CHCHD6: variants seen among roughly 807,000 people sequenced by gnomAD.
CHCHD6 encodes MICOS complex subunit MIC25.
A neutral mutation model predicts 32.3 loss-of-function variants in CHCHD6; 28 were observed. The observed-to-expected ratio is 0.87, with a 90% CI of 0.64 to 1.19. The LOEUF (loss-of-function observed/expected upper bound fraction) is 1.19, where lower values mean the gene tolerates loss of function less well. Ranked by LOEUF, CHCHD6 falls within the 50% of genes most tolerant of loss-of-function variation. CHCHD6 has a pLI of 0.00. For missense variants in CHCHD6, 333 were observed against 307.0 expected, an observed-to-expected ratio of 1.08 and a Z score of -0.63; for synonymous variants, 122 against 117.5, an observed-to-expected ratio of 1.04 and a Z score of -0.25.
At chr3:126,783,145 A>G (rs1282073967) in intron 4 of CHCHD6, among the ~76,000 whole-genome samples, 2 of 152,302 alleles carry the variant, frequency 1.3e-5, no homozygotes, top group East Asian at 1.9e-4. Context: ...TCTAAGTTCT[A>G]CATATAAGTG....
chr3:126,775,085 T>C (rs1367156911), intron 4 of CHCHD6, among the ~76,000 whole-genome samples: 1 of 152,256 alleles, frequency 6.6e-6, no homozygotes, highest in Non-Finnish European at 1.5e-5. Context: ...GGTTTTTAGC[T>C]ATATTTGCAG....
intron 4 of CHCHD6, among the ~76,000 whole-genome samples, chr3:126,772,206 A>G (rs1937555271): frequency 6.6e-6 from 1 of 152,080 alleles, no homozygotes. Flanking sequence ...GGTTCACGCC[A>G]TTCTCCTGCC....
In CHCHD6 at chr3:126,917,441, GT is replaced by G. The variant is rs535734447; in HGVS notation, c.566+2695del. Among the ~76,000 whole-genome samples, 1,468 of 152,296 alleles carry G rather than the reference GT, an allele frequency of 9.6e-3. 7 individuals carry two copies. Among genetic ancestry groups the G allele is most frequent in the Non-Finnish European group, 0.017 (1,164 of 68,004 alleles). ...GGTGGAGCTCTCAGAGCCTGCCCGG[GT>G]TTTGGACTCAGACCAGGCCTCAGAC... On this transcript the variant is annotated intron_variant, in intron 6 of 7. Transcript: ENST00000290913.
chr3:126,949,468 G>T, intron 6 of CHCHD6: 1 of 208,484 alleles, frequency 4.8e-6, no homozygotes, highest in South Asian at 5.7e-5. Flanking sequence ...GAAAGGGAAG[G>T]CTGCCCAGAG....
chr3:126,719,152 C>T (rs1017304106), intron 1 of CHCHD6, among the ~76,000 whole-genome samples: 5 of 152,172 alleles, frequency 3.3e-5, no homozygotes, highest in Non-Finnish European at 5.9e-5. Context: ...CTGTGCCTGC[C>T]CCTCTGGCTT....
In CHCHD6 at chr3:126,730,631, G is replaced by T; in HGVS notation, c.266+1G>T. 1.2e-6 allele frequency: 2 copies of T among 1,613,534 alleles called. No individual in the cohort carries two copies. The highest frequency in any genetic ancestry group is 1.7e-6 in the Non-Finnish European group (2 of 1,179,666). ...CAGGGATGAAGGAGGGTGTCAAGAG[G>T]TGAGCCCGAGAGCCTGCTTGCTCCC... On this transcript the variant is annotated splice_donor_variant, in intron 3 of 7. Coordinates refer to ENST00000290913, the MANE Select transcript of CHCHD6 (RefSeq NM_032343.3). LOFTEE classifies it high-confidence loss of function.
At chr3:126,804,597 G>C (rs1331778920) in intron 4 of CHCHD6, among the ~76,000 whole-genome samples, 3 of 151,976 alleles carry the variant, frequency 2.0e-5, no homozygotes, top group Admixed American at 2.0e-4. Context: ...AAAGAGTCGA[G>C]GACCAGACGG....
chr3:126,806,116 A>G (rs1238734730), intron 4 of CHCHD6, among the ~76,000 whole-genome samples: 1 of 152,240 alleles, frequency 6.6e-6, no homozygotes, highest in Non-Finnish European at 1.5e-5. Context: ...AAACCTAGAC[A>G]TTACCATTCA....
chr3:126,943,044 T>G (rs563603427), intron 6 of CHCHD6, among the ~76,000 whole-genome samples: 5 of 152,222 alleles, frequency 3.3e-5, no homozygotes, highest in African/African-American at 1.2e-4. Flanking sequence ...CTTGGCTGTT[T>G]TCTTCAACAG....
In CHCHD6 at chr3:126,958,115, G is replaced by A. The variant is rs528998729; in HGVS notation, c.702+564G>A. On this transcript the variant is annotated intron_variant, in intron 7 of 7. Transcript: ENST00000290913. ...CACTCCAGTGGGCCTCGGTTGTCCTGGATGCCTGTGATGCGCTCCCAGCCA... is the reference window on the plus strand; with the variant it reads ...CACTCCAGTGGGCCTCGGTTGTCCTAGATGCCTGTGATGCGCTCCCAGCCA... 2.6e-5 allele frequency among the ~76,000 whole-genome samples: 4 copies of A among 151,806 alleles called. No homozygotes were observed. The South Asian group carries it at 6.4e-4, about 24-fold the overall frequency.
At chr3:126,861,104 A>C (rs1006279672) in intron 5 of CHCHD6, among the ~76,000 whole-genome samples, 3 of 152,164 alleles carry the variant, frequency 2.0e-5, no homozygotes, top group African/African-American at 4.8e-5. Context: ...TTATGTAATA[A>C]AGGACATAAC....
intron 5 of CHCHD6, among the ~76,000 whole-genome samples, chr3:126,883,770 A>C (rs1014954377): frequency 2.6e-5 from 4 of 152,202 alleles, no homozygotes; most frequent in Non-Finnish European, 5.9e-5. Flanking sequence ...TTCTTTATGC[A>C]ATAATGCTTA....
intron 6 of CHCHD6, among the ~76,000 whole-genome samples, chr3:126,920,318 A>C (rs1436056269): frequency 6.7e-6 from 1 of 148,754 alleles, no homozygotes; most frequent in Admixed American, 6.7e-5. Context: ...CTGAGGGTCT[A>C]CTTCTGTTGC....
At chr3:126,803,173 C>G (rs1281084365) in intron 4 of CHCHD6, among the ~76,000 whole-genome samples, 1 of 151,300 alleles carries the variant, frequency 6.6e-6, no homozygotes, top group Non-Finnish European at 1.5e-5. Context: ...GCAAAATAAC[C>G]AGCTAACATC....
chr3:126,773,228 A>T (rs992570072), intron 4 of CHCHD6, among the ~76,000 whole-genome samples: 1 of 152,124 alleles, frequency 6.6e-6, no homozygotes, highest in Non-Finnish European at 1.5e-5. Flanking sequence ...AATGTCTTGC[A>T]GGTGTTTTCT....
intron 4 of CHCHD6, among the ~76,000 whole-genome samples, chr3:126,798,144 G>A (rs577932684): frequency 1.6e-4 from 24 of 152,286 alleles, no homozygotes; most frequent in Non-Finnish European, 1.8e-4. Context: ...GAGGTTCTGC[G>A]GGGGGATGAG....
chr3:126,713,902 C>T (rs549304588), intron 1 of CHCHD6, among the ~76,000 whole-genome samples: 220 of 151,662 alleles, frequency 1.5e-3, no homozygotes, highest in African/African-American at 5.2e-3. Context: ...ATGGTGAAAC[C>T]CTGTCTCTAC....
At chr3:126,876,831 G>C (rs2077545328) in intron 5 of CHCHD6, among the ~76,000 whole-genome samples, 1 of 152,198 alleles carries the variant, frequency 6.6e-6, no homozygotes, top group Non-Finnish European at 1.5e-5. Flanking sequence ...AAGAAAAAGA[G>C]TTATGAGGAA....
intron 6 of CHCHD6, among the ~76,000 whole-genome samples, chr3:126,938,655 A>G (rs1411085302): frequency 6.6e-6 from 1 of 152,180 alleles, no homozygotes; most frequent in African/African-American, 2.4e-5. Context: ...TAACTATAAG[A>G]TGTTCCTGTG....
Sources: allele counts gnomAD v4.1 joint callset (sites outside exome capture counted in the v4.1 genomes callset), GRCh38; gene constraint gnomAD v4.1.1; transcripts MANE v1.5; gene names NCBI Gene and HGNC (gene_info 2026-07-23, HGNC 2026-07-21).